Variants in LCP1 observed in about 807,000 individuals in gnomAD.
LCP1 encodes the protein plastin-2.
Under a neutral mutation model 72.0 loss-of-function variants are expected in LCP1, and 23 were observed. That is an observed-to-expected ratio of 0.32 (90% CI 0.23 to 0.45). The LOEUF is 0.45. Among genes scored for constraint, LCP1 ranks in the 20% least tolerant of loss-of-function variants. The pLI is 1.00. For synonymous variants in LCP1, 245 were observed against 275.4 expected (o/e 0.89, Z 1.09); for missense variants, 571 against 748.3 (o/e 0.76, Z 2.76).
chr13:46,137,663 T>C (rs1000477223), intron 13 of LCP1, among the ~76,000 whole-genome samples: 5 of 152,266 alleles, frequency 3.3e-5, no homozygotes, highest in African/African-American at 1.2e-4. Context: ...TTTTTCCTTT[T>C]GAGATAATTA....
Position 46,143,320 on chromosome 13 carries a change from T to C in LCP1, c.1338A>G (p.Pro446=). The C allele has an allele frequency of 6.2e-7, 1 of 1,613,978 alleles. No homozygotes were observed. Among genetic ancestry groups the C allele is most frequent in the Non-Finnish European group, 8.5e-7 (1 of 1,179,832 alleles). ...PVDWNRVNKP[P]YPKLGGNMKK... is the part of the protein sequence containing the mutation. Reference sequence around the variant, plus strand: ...TCATATTGCCTCCCAGTTTGGGGTATGGCGGTTTGTTTACTCTGTTCCAGT... The same window carrying C: ...TCATATTGCCTCCCAGTTTGGGGTACGGCGGTTTGTTTACTCTGTTCCAGT... The change falls in exon 12 of 16, where the codon CCA becomes CCG. Residue 446 remains proline (P), a synonymous_variant. Transcript: ENST00000323076.
intron 7 of LCP1, 114 bp from the exon 8 acceptor site, chr13:46,151,192 T>A: frequency 9.9e-7 from 1 of 1,013,246 alleles, no homozygotes; most frequent in Non-Finnish European, 1.4e-6. Flanking sequence ...CGTTACCTCT[T>A]TGGGGTAAAG....
In LCP1 at chr13:46,130,944, C is replaced by T; in HGVS notation, c.1627-6G>A. On this transcript the variant is annotated splice_region_variant and splice_polypyrimidine_tract_variant and intron_variant, in intron 14 of 15. Coordinates refer to ENST00000323076, the MANE Select transcript of LCP1 (RefSeq NM_002298.5). ...CTTGTACTAATCTTCGGGTCCTATG[C>T]AGAGACACAGGGAGGGTTTCATCAA... 1 of 1,587,542 alleles carries T rather than the reference C, an allele frequency of 6.3e-7. No individual in the cohort carries two copies.
At chr13:46,161,847 A>G (rs1408076196) in intron 1 of LCP1, among the ~76,000 whole-genome samples, 1 of 152,218 alleles carries the variant, frequency 6.6e-6, no homozygotes, top group Non-Finnish European at 1.5e-5. Context: ...CTAAGGCAAA[A>G]AGGAAAGTAT....
intron 1 of LCP1, among the ~76,000 whole-genome samples, chr13:46,171,792 T>C (rs1463363303): frequency 1.3e-5 from 2 of 152,272 alleles, no homozygotes; most frequent in Non-Finnish European, 2.9e-5. Flanking sequence ...AGTGGACCTA[T>C]GAACAACACA....
At position 46,158,574 on chromosome 13, in the gene LCP1, T is replaced by C. The variant is rs112886236; in HGVS notation, c.306A>G (p.Ala102=). The change falls in exon 4 of 16, where the codon GCA becomes GCG. Residue 102 remains alanine, a synonymous_variant. Coordinates refer to ENST00000323076, the MANE Select transcript of LCP1 (RefSeq NM_002298.5). ...TAGACTGCTCTGAAGTACCACCGATTGCACAAATCCCTTCCTTCTTATTGA... is the reference window on the plus strand; with the variant it reads ...TAGACTGCTCTGAAGTACCACCGATCGCACAAATCCCTTCCTTCTTATTGA... ...KAINKKEGIC[A]IGGTSEQSSV... is the part of the protein sequence containing the mutation. 8.0e-5 allele frequency: 129 copies of C among 1,614,196 alleles called. No homozygotes were observed. In the African/African-American group the frequency reaches 1.6e-3, roughly 20 times the overall value.
At chr13:46,155,241 C>T (rs1433447674) in intron 5 of LCP1, among the ~76,000 whole-genome samples, 1 of 152,154 alleles carries the variant, frequency 6.6e-6, no homozygotes, top group African/African-American at 2.4e-5. Context: ...AAATTGTCCC[C>T]ATTATATAAA....
Position 46,156,431 on chromosome 13 carries a change from T to G in LCP1, c.491+7A>C. On this transcript the variant is annotated splice_region_variant and intron_variant, in intron 5 of 15. Coordinates refer to ENST00000323076, the MANE Select transcript of LCP1 (RefSeq NM_002298.5). ...TCTTTGGAAACCAAGAAAGAAGTAT[T>G]ATTTACCAAAGGACAATGCCATCTC... 1 of 1,610,716 alleles carries G rather than the reference T, an allele frequency of 6.2e-7. No individual in the cohort carries two copies. The highest frequency in any genetic ancestry group is 2.2e-5 in the East Asian group (1 of 44,808).
chr13:46,145,908 C>CAAAA lies in LCP1; in HGVS notation c.1174+996_1174+999dup, dbSNP rs527364466. ...TGGGCGACAGAGCGAGACTCCGTCT[C>CAAAA]AAAAAAAAAAAAAAAAAAAAAAAAA... On this transcript the variant is annotated intron_variant, in intron 10 of 15. Transcript: ENST00000323076. Among the ~76,000 whole-genome samples the CAAAA allele has an allele frequency of 3.5e-4, 4 of 11,360 alleles. 1 individual carries two copies. The East Asian group carries it at 6.8e-3, about 19-fold the overall frequency. 7.5% of individuals were successfully genotyped at this position (11,360 alleles called of 152,430 possible).
intron 14 of LCP1, among the ~76,000 whole-genome samples, 155 bp from the exon 15 acceptor site, chr13:46,131,093 T>C (rs1406314540): frequency 6.6e-6 from 1 of 152,214 alleles, no homozygotes; most frequent in Admixed American, 6.5e-5. Flanking sequence ...TCAAATAAAC[T>C]GTAGTTTCTG....
intron 15 of LCP1, among the ~76,000 whole-genome samples, chr13:46,129,223 TGTATCTC>T (rs998724760): frequency 6.6e-5 from 10 of 152,222 alleles, no homozygotes; most frequent in Non-Finnish European, 1.2e-4. Flanking sequence ...TAAGTAATTT[TGTATCTC>T]GCCCTCACAG....
intron 14 of LCP1, among the ~76,000 whole-genome samples, chr13:46,133,614 A>G (rs1334279686): frequency 6.6e-6 from 1 of 152,174 alleles, no homozygotes; most frequent in Non-Finnish European, 1.5e-5. Flanking sequence ...TGACAGAGTG[A>G]GACCTTGTCA....
chr13:46,141,677 T>A (rs2045699807), intron 13 of LCP1, among the ~76,000 whole-genome samples: 1 of 152,232 alleles, frequency 6.6e-6, no homozygotes, highest in Non-Finnish European at 1.5e-5. Context: ...TTTTCAGACA[T>A]ATAGAAGCTG....
At chr13:46,148,294 A>G in intron 9 of LCP1, 58 bp downstream of exon 9, 1 of 1,230,324 alleles carries the variant, frequency 8.1e-7, no homozygotes, top group Non-Finnish European at 1.2e-6. Flanking sequence ...AAGGTAATGG[A>G]ACTGCCAACA....
At chr13:46,152,710 C>A (rs746939503) in intron 7 of LCP1, 70 bp downstream of exon 7, 20 of 1,484,284 alleles carry the variant, frequency 1.3e-5, no homozygotes, top group Non-Finnish European at 1.7e-5. Context: ...TGACATCTTC[C>A]TCCTACAGTC....
chr13:46,144,255 G>A (rs2045716282), intron 11 of LCP1, among the ~76,000 whole-genome samples, 187 bp downstream of exon 11: 2 of 152,208 alleles, frequency 1.3e-5, no homozygotes, highest in Admixed American at 6.5e-5. Flanking sequence ...CACACAGTGA[G>A]ACTGATGTAT....
intron 12 of LCP1, chr13:46,142,929 C>T (rs1447483486): frequency 2.8e-6 from 1 of 355,644 alleles, no homozygotes; most frequent in African/African-American, 2.1e-5. Context: ...ACTGTGTTGA[C>T]AGTCGACAAA....
rs1365124953 is a variant in LCP1 at position 46,142,417 on chromosome 13, A to G, written c.1377T>C (p.Asn459=). The G allele has an allele frequency of 6.8e-6, 11 of 1,613,424 alleles. No individual in the cohort carries two copies. The highest frequency in any genetic ancestry group is 1.1e-5 in the South Asian group (1 of 91,016). Residue 459 remains asparagine (N), a synonymous_variant, in exon 13 of 16, where the codon AAT becomes AAC. Coordinates refer to ENST00000323076, the MANE Select transcript of LCP1 (RefSeq NM_002298.5). The part of the protein sequence containing the change: ...KLGGNMKKLE[N]CNYAVELGKN... ...TCCCCAATTCTACCGCGTAGTTACA[A>G]TTCTCAAGCTGAATGAGCAGAAAGG...
intron 15 of LCP1, among the ~76,000 whole-genome samples, chr13:46,129,994 T>C (rs934351554): frequency 2.0e-5 from 3 of 152,148 alleles, no homozygotes; most frequent in Non-Finnish European, 2.9e-5. Flanking sequence ...CATGTGAAGA[T>C]GGAGGCAGAG....
Sources: allele counts gnomAD v4.1 joint callset (sites outside exome capture counted in the v4.1 genomes callset), GRCh38; gene constraint gnomAD v4.1.1; transcripts MANE v1.5; gene names NCBI Gene and HGNC (gene_info 2026-07-23, HGNC 2026-07-21).